ALCAM: variants seen among roughly 807,000 people sequenced by gnomAD.
ALCAM encodes activated leukocyte cell adhesion molecule, also known as CD166 antigen.
A neutral mutation model predicts 70.9 loss-of-function variants in ALCAM; 30 were observed. That is an observed-to-expected ratio of 0.42 (90% CI 0.32 to 0.57). The LOEUF (loss-of-function observed/expected upper bound fraction) is 0.57, where lower values mean the gene tolerates loss of function less well. Among genes scored for constraint, ALCAM ranks in the 20% least tolerant of loss-of-function variants. The pLI is 0.11. For synonymous variants in ALCAM, 249 were observed against 242.5 expected, an observed-to-expected ratio of 1.03 and a Z score of -0.25; for missense variants, 591 against 695.1, an observed-to-expected ratio of 0.85 and a Z score of 1.68.
chr3:105,404,684 A>T (rs1191324394), intron 1 of ALCAM, among the ~76,000 whole-genome samples: 2 of 151,764 alleles, frequency 1.3e-5, no homozygotes, highest in Admixed American at 6.6e-5. Context: ...TGAAAAAAAA[A>T]ACAAGGTATT....
At chr3:105,521,103 C>T (rs573334885) in intron 2 of ALCAM, among the ~76,000 whole-genome samples, 2 of 151,400 alleles carry the variant, frequency 1.3e-5, no homozygotes, top group African/African-American at 4.8e-5. Flanking sequence ...AGATCGAGAC[C>T]ATCCTGGCTA....
intron 2 of ALCAM, among the ~76,000 whole-genome samples, chr3:105,522,615 C>T (rs1311571953): frequency 1.3e-5 from 2 of 152,104 alleles, no homozygotes. Flanking sequence ...CCATTATCTG[C>T]CATAGTGCCT....
intron 1 of ALCAM, among the ~76,000 whole-genome samples, chr3:105,472,149 A>T (rs1481314750): frequency 6.6e-6 from 1 of 151,332 alleles, no homozygotes; most frequent in African/African-American, 2.4e-5. Flanking sequence ...GTGGCTGAAT[A>T]GATTATCACC....
chr3:105,409,717 T>A, intron 1 of ALCAM, among the ~76,000 whole-genome samples: 1 of 151,950 alleles, frequency 6.6e-6, no homozygotes, highest in East Asian at 1.9e-4. Context: ...TAAAAAAAAA[T>A]TAAAAAGAAA....
chr3:105,408,314 A>C (rs555191591), intron 1 of ALCAM, among the ~76,000 whole-genome samples: 1 of 152,320 alleles, frequency 6.6e-6, no homozygotes, highest in African/African-American at 2.4e-5. Context: ...CTATAAGGCC[A>C]TAGTCACCAA....
intron 14 of ALCAM, among the ~76,000 whole-genome samples, chr3:105,568,827 C>T (rs1303294733): frequency 6.6e-6 from 1 of 151,940 alleles, no homozygotes; most frequent in African/African-American, 2.4e-5. Flanking sequence ...CTGTACTTTT[C>T]TGAGGGTTTA....
At chr3:105,406,348 T>C (rs1190573271) in intron 1 of ALCAM, among the ~76,000 whole-genome samples, 3 of 152,198 alleles carry the variant, frequency 2.0e-5, no homozygotes, top group African/African-American at 7.2e-5. Flanking sequence ...ATTCCTTCGT[T>C]ATTTTGTCAT....
intron 1 of ALCAM, among the ~76,000 whole-genome samples, chr3:105,451,261 AGAAAGGAAG>A (rs1010175290): frequency 8.6e-5 from 13 of 151,684 alleles, no homozygotes; most frequent in East Asian, 7.7e-4. Context: ...GGAAGCAAGA[AGAAAGGAAG>A]GAAAGGAAGG....
chr3:105,438,630 T>C (rs1937105381), intron 1 of ALCAM, among the ~76,000 whole-genome samples: 1 of 152,222 alleles, frequency 6.6e-6, no homozygotes, highest in African/African-American at 2.4e-5. Flanking sequence ...AATACTTGAA[T>C]TTTACAAGTG....
At chr3:105,569,307 A>G (rs2152635836) in intron 14 of ALCAM, among the ~76,000 whole-genome samples, 1 of 152,256 alleles carries the variant, frequency 6.6e-6, no homozygotes, top group African/African-American at 2.4e-5. Context: ...AGACAAGGGG[A>G]AGAAAAAAGA....
intron 1 of ALCAM, among the ~76,000 whole-genome samples, chr3:105,433,641 A>G (rs1248749098): frequency 6.6e-6 from 1 of 151,746 alleles, no homozygotes; most frequent in African/African-American, 2.4e-5. Context: ...GTTGCCAGGA[A>G]GAAGACTGAG....
At chr3:105,404,517 T>C (rs66713063) in intron 1 of ALCAM, among the ~76,000 whole-genome samples, 39,682 of 151,908 alleles carry the variant, frequency 0.26, 5,679 homozygotes, top group Admixed American at 0.45. Flanking sequence ...TACAGTTGTT[T>C]CCAGACAAAC....
chr3:105,551,655 C>T (rs998850474), intron 12 of ALCAM, among the ~76,000 whole-genome samples: 4 of 151,466 alleles, frequency 2.6e-5, no homozygotes, highest in East Asian at 1.9e-4. Flanking sequence ...TTCTTAATCT[C>T]GGAGGTATCC....
In ALCAM at chr3:105,386,689, T is replaced by G. The variant is rs191005047; in HGVS notation, c.73+19208T>G. On this transcript the variant is annotated intron_variant, in intron 1 of 15. Coordinates refer to ENST00000306107, the MANE Select transcript of ALCAM (RefSeq NM_001627.4). ...ATATATATATATATCTGTAATTGTT[T>G]CCTTAGTGAATTGAAGGTTTTTTCA... Among the ~76,000 whole-genome samples the G allele has an allele frequency of 2.2e-4, 33 of 151,550 alleles. No homozygotes were observed. The East Asian group carries it at 6.4e-3, about 30-fold the overall frequency.
At chr3:105,402,938 C>CTTTTTTTTTTTTTTTTTTTTTT (rs58126212) in intron 1 of ALCAM, among the ~76,000 whole-genome samples, 1 of 117,254 alleles carries the variant, frequency 8.5e-6, no homozygotes. Context: ...AGCTGATGCG[C>CTTTTTTTTTTTTTTTTTTTTTT]TTTTTTTTTT....
chr3:105,435,814 G>A (rs372969773), intron 1 of ALCAM, among the ~76,000 whole-genome samples: 2 of 151,770 alleles, frequency 1.3e-5, no homozygotes, highest in Admixed American at 6.6e-5. Flanking sequence ...TTTTTGAGAC[G>A]GAGTCTCGCT....
intron 1 of ALCAM, among the ~76,000 whole-genome samples, chr3:105,479,486 G>C (rs998125998): frequency 6.6e-6 from 1 of 152,070 alleles, no homozygotes; most frequent in Admixed American, 6.6e-5. Flanking sequence ...ATATTTTAAT[G>C]ACATGAAAAT....
At chr3:105,566,693 C>G (rs1290708698) in intron 14 of ALCAM, among the ~76,000 whole-genome samples, 1 of 152,116 alleles carries the variant, frequency 6.6e-6, no homozygotes, top group Non-Finnish European at 1.5e-5. Context: ...GAAGCATAAT[C>G]CCATTTAACT....
chr3:105,464,206 G>A (rs750052942), intron 1 of ALCAM, among the ~76,000 whole-genome samples: 47 of 151,150 alleles, frequency 3.1e-4, no homozygotes, highest in Non-Finnish European at 5.9e-4. Flanking sequence ...TTTACTAAAA[G>A]CTTCTATTTC....
Sources: gnomAD v4.1 joint callset for allele counts (sites outside exome capture counted in the v4.1 genomes callset) on GRCh38, gnomAD v4.1.1 for gene constraint, MANE v1.5 for transcripts, NCBI Gene and HGNC (gene_info 2026-07-23, HGNC 2026-07-21) for gene names.